DYNC1H1: variants seen among roughly 807,000 people sequenced by gnomAD.
The protein encoded by DYNC1H1 is dynein cytoplasmic 1 heavy chain 1.
A neutral mutation model predicts 527.1 loss-of-function variants in DYNC1H1; 51 were observed. That is an observed-to-expected ratio of 0.10 (90% CI 0.08 to 0.12). The LOEUF is 0.12. DYNC1H1 is among the 10% of genes least tolerant of loss of function. The pLI, the probability that DYNC1H1 is intolerant of heterozygous loss-of-function variation, is 1.00. For missense variants in DYNC1H1, 2,771 were observed against 5,971.8 expected, an observed-to-expected ratio of 0.46 and a Z score of 17.66; for synonymous variants, 2,189 against 2,278.8, an observed-to-expected ratio of 0.96 and a Z score of 1.12.
At chr14:102,013,597 C>T (rs540591211) in intron 34 of DYNC1H1, among the ~76,000 whole-genome samples, 119 of 152,102 alleles carry the variant, frequency 7.8e-4, no homozygotes, top group Non-Finnish European at 1.4e-3. Context: ...AGGGCTGAGA[C>T]TAGAGAGGAA....
chr14:102,032,579 C>A, intron 52 of DYNC1H1, 112 bp downstream of exon 52: 1 of 1,360,156 alleles, frequency 7.4e-7, no homozygotes, highest in Non-Finnish European at 1.0e-6. Context: ...AGGCCAGGCA[C>A]AGTGGCTCAC....
At position 101,983,502 on chromosome 14, in the gene DYNC1H1, A is replaced by G; in HGVS notation, c.1354A>G (p.Ile452Val). The G allele has an allele frequency of 6.2e-7, 1 of 1,614,210 alleles. No homozygotes were observed. The highest frequency in any genetic ancestry group is 1.1e-5 in the South Asian group (1 of 91,076). Residue 452 changes from isoleucine to valine, a missense_variant, in exon 7 of 78, where the codon ATC becomes GTC. By Grantham distance (29) the Ile-to-Val change is conservative. This residue lies in a region of DYNC1H1 where 264 missense variants were observed against 619.4 expected (regional missense o/e 0.43). Transcript: ENST00000360184. This position sits in a 1 kb window ranked among gnomAD's most constrained non-coding sequence, Gnocchi z 5.3. ...AGAAAATCTGAAGATGGTGTGGCGT[A>G]TCAACCCTGCCCACAGGAAGCTGCA... ...REENLKMVWR[I>V]NPAHRKLQAR...
Position 102,038,264 on chromosome 14 carries a change from C to G in DYNC1H1, c.10909-196C>G. 1.1e-6 allele frequency: 1 copy of G among 888,266 alleles called. No homozygotes were observed. The highest frequency in any genetic ancestry group is 1.5e-5 in the South Asian group (1 of 64,710). The allele number at this position is 888,266 out of a possible 1,614,324, so 55.0% of individuals were successfully genotyped here. ...AAAGTGCTGGAATTACAGGCGTGAG[C>G]CACCGCATCTGGCTGAGTTTTTAAT... On this transcript the variant is annotated intron_variant, in intron 57 of 77. Transcript: ENST00000360184. This position sits in a 1 kb window ranked among gnomAD's most constrained non-coding sequence, Gnocchi z 7.2.
Position 102,002,488 on chromosome 14 carries a change from G to A in DYNC1H1, c.4543-49G>A, listed in dbSNP as rs765399730. Reference sequence around the variant, plus strand: ...TTTTTCAGTGAGTTTTGGCATATCTGTGAGTAGAAGGGTCAGCAGTTTACC... The same window carrying A: ...TTTTTCAGTGAGTTTTGGCATATCTATGAGTAGAAGGGTCAGCAGTTTACC... On this transcript the variant is annotated intron_variant, in intron 21 of 77. Coordinates refer to ENST00000360184, the MANE Select transcript of DYNC1H1 (RefSeq NM_001376.5). The surrounding 1 kb of genome is among the most constrained non-coding windows in gnomAD (Gnocchi z 4.4). The A allele has an allele frequency of 9.3e-6, 15 of 1,611,772 alleles. No individual in the cohort carries two copies. Among genetic ancestry groups the A allele is most frequent in the Non-Finnish European group, 1.3e-5 (15 of 1,178,636 alleles).
chr14:101,988,123 A>C (rs1176618449), intron 9 of DYNC1H1, among the ~76,000 whole-genome samples: 1 of 152,164 alleles, frequency 6.6e-6, no homozygotes, highest in Non-Finnish European at 1.5e-5. Flanking sequence ...TACTCACATC[A>C]AGTTTAAGTT....
At position 102,026,558 on chromosome 14, in the gene DYNC1H1, A is replaced by G; in HGVS notation, c.8638-16A>G. On this transcript the variant is annotated splice_polypyrimidine_tract_variant and intron_variant, in intron 43 of 77. Coordinates refer to ENST00000360184, the MANE Select transcript of DYNC1H1 (RefSeq NM_001376.5). ...TTTTTTTCTAAGTAATTTGGGTATT[A>G]CCTTTTTTTCTATAGGATTACATCC... 6.2e-7 allele frequency: 1 copy of G among 1,613,910 alleles called. No individual in the cohort carries two copies. The highest frequency in any genetic ancestry group is 1.3e-5 in the African/African-American group (1 of 75,022).
Position 102,041,631 on chromosome 14 carries a change from G to A in DYNC1H1, c.11999G>A (p.Arg4000His). ...LLLIQAFRPD[R>H]LLAMAHMFVS... Reference sequence around the variant, plus strand: ...CTGATCCAGGCTTTCCGGCCCGATCGCCTGTTGGCCATGGCCCACATGTTT... The same window carrying A: ...CTGATCCAGGCTTTCCGGCCCGATCACCTGTTGGCCATGGCCCACATGTTT... Residue 4000 changes from arginine (R) to histidine (H), a missense_variant, in exon 65 of 78, where the codon CGC (arginine) becomes CAC (histidine). Physicochemically the swap from Arg to His is conservative, Grantham distance 29. Coordinates refer to ENST00000360184, the MANE Select transcript of DYNC1H1 (RefSeq NM_001376.5). The surrounding 1 kb of genome is among the most constrained non-coding windows in gnomAD (Gnocchi z 4.5). 3 of 1,614,148 alleles carry A rather than the reference G, an allele frequency of 1.9e-6. No homozygotes were observed. Among genetic ancestry groups the A allele is most frequent in the East Asian group, 2.2e-5 (1 of 44,876 alleles).
chr14:102,017,781 A>G lies in DYNC1H1; in HGVS notation c.8177+277A>G. 2.1e-6 allele frequency: 1 copy of G among 473,702 alleles called. No individual in the cohort carries two copies. The highest frequency in any genetic ancestry group is 4.6e-5 in the East Asian group (1 of 21,782). The allele number at this position is 473,702 out of a possible 1,614,324, so 29.3% of individuals were successfully genotyped here. On this transcript the variant is annotated intron_variant, in intron 40 of 77. Transcript: ENST00000360184. This position sits in a 1 kb window ranked among gnomAD's most constrained non-coding sequence, Gnocchi z 4.6. The stretch of plus-strand genomic sequence containing the variant: ...GGAGATTGAGACCATCCTGGCCAAC[A>G]CAGTGAAACCTCGTCTCTACTGAAA...
In DYNC1H1 at chr14:102,042,922, C is replaced by A; in HGVS notation, c.12513+174C>A. The A allele has an allele frequency of 1.4e-6, 1 of 738,230 alleles. No individual in the cohort carries two copies. The highest frequency in any genetic ancestry group is 2.3e-6 in the Non-Finnish European group (1 of 429,208). The allele number at this position is 738,230 out of a possible 1,614,324, so 45.7% of individuals were successfully genotyped here. On this transcript the variant is annotated intron_variant, in intron 69 of 77. Transcript: ENST00000360184. This position sits in a 1 kb window ranked among gnomAD's most constrained non-coding sequence, Gnocchi z 5.7. Reference sequence around the variant, plus strand: ...CCTTCCATGGCCGGGCACCGTGGCTCACACTGGTAATCCTAGCACTTTGGA... The same window carrying A: ...CCTTCCATGGCCGGGCACCGTGGCTAACACTGGTAATCCTAGCACTTTGGA...
rs1303524119 is a variant in DYNC1H1, at chr14:102,029,760, C to G, written c.9642+48C>G. On this transcript the variant is annotated intron_variant, in intron 49 of 77. Coordinates refer to ENST00000360184, the MANE Select transcript of DYNC1H1 (RefSeq NM_001376.5). The surrounding 1 kb of genome is among the most constrained non-coding windows in gnomAD (Gnocchi z 5.3). ...TCACGGGAGTGAGCTGCAGTGAGGA[C>G]CCCTTTCCATATAATTTCTGCATGT... 5 of 1,614,034 alleles carry G rather than the reference C, an allele frequency of 3.1e-6. No individual in the cohort carries two copies. The highest frequency in any genetic ancestry group is 4.2e-6 in the Non-Finnish European group (5 of 1,180,042).
chr14:102,055,083 C>T lies in DYNC1H1; in HGVS notation c.*4520C>T, dbSNP rs2048861948. ...CTCCTTCTGGACTTTTCTTTCCTAG[C>T]CCAGGTCAAAGTGGGCCTTCGGGAG... is the stretch of plus-strand genomic sequence containing the variant. On this transcript the variant is annotated 3_prime_UTR_variant, in exon 78 of 78. Transcript: ENST00000360184. 1 of 152,200 alleles carries T rather than the reference C, an allele frequency of 6.6e-6. No homozygotes were observed. 9.4% of individuals were successfully genotyped at this position (152,200 alleles called of 1,614,324 possible).
Position 102,041,832 on chromosome 14 carries a change from T to C in DYNC1H1, c.12102+98T>C. Reference sequence around the variant, plus strand: ...CCTGGCATCTGCTCTCACTCCGGGCTACAGTCTCCTCCTAAGACCAGGAAC... The same window carrying C: ...CCTGGCATCTGCTCTCACTCCGGGCCACAGTCTCCTCCTAAGACCAGGAAC... On this transcript the variant is annotated intron_variant, in intron 65 of 77. Transcript: ENST00000360184. The surrounding 1 kb of genome is among the most constrained non-coding windows in gnomAD (Gnocchi z 4.5). 6.3e-7 allele frequency: 1 copy of C among 1,584,894 alleles called. No individual in the cohort carries two copies. The highest frequency in any genetic ancestry group is 8.6e-7 in the Non-Finnish European group (1 of 1,162,078).
In DYNC1H1 at chr14:102,009,899, A is replaced by G; in HGVS notation, c.6034A>G (p.Met2012Val). Reference protein sequence around the residue: ...LNKQVKVSPDMAIFITMNPGY... With the variant: ...LNKQVKVSPDVAIFITMNPGY... ...CAAACAAGTCAAGGTGAGCCCGGAC[A>G]TGGCCATCTTCATCACCATGAACCC... The change falls in exon 30 of 78, where the codon ATG becomes GTG. Residue 2012 changes from methionine to valine, a missense_variant. Transcript: ENST00000360184. 1.2e-6 allele frequency: 2 copies of G among 1,614,084 alleles called. No homozygotes were observed. Among genetic ancestry groups the G allele is most frequent in the Non-Finnish European group, 1.7e-6 (2 of 1,180,028 alleles).
chr14:101,994,388 GAT>G (rs2048033627), intron 12 of DYNC1H1, 64 bp downstream of exon 12: 13 of 1,609,948 alleles, frequency 8.1e-6, no homozygotes, highest in Non-Finnish European at 1.1e-5. Flanking sequence ...AAGAGTACAA[GAT>G]ATAAAGAACA....
rs1057522046 is a variant in DYNC1H1, at chr14:101,985,734, A to G, written c.1509A>G (p.Gln503=). 9 of 1,614,102 alleles carry G rather than the reference A, an allele frequency of 5.6e-6. No homozygotes were observed. In the East Asian group the frequency reaches 1.3e-4, roughly 24 times the overall value. The change falls in exon 8 of 78, where the codon CAA becomes CAG. Residue 503 remains glutamine (Q), a synonymous_variant. Transcript: ENST00000360184. This position sits in a 1 kb window ranked among gnomAD's most constrained non-coding sequence, Gnocchi z 5.9. ...ATCAAGGAGAGGTCCCTGAACCCCA[A>G]GATATGAAAGTGGCTGAGGTTCTCT... ...QQNQGEVPEP[Q]DMKVAEVLFD...
At chr14:101,992,634 C>A (rs533939762) in intron 11 of DYNC1H1, among the ~76,000 whole-genome samples, 1 of 152,118 alleles carries the variant, frequency 6.6e-6, no homozygotes, top group Non-Finnish European at 1.5e-5. Flanking sequence ...ACCCCATGTC[C>A]CCTGCAATCT....
In DYNC1H1 at chr14:102,049,864, T is replaced by C; in HGVS notation, c.13666T>C (p.Cys4556Arg). The C allele has an allele frequency of 1.9e-6, 3 of 1,613,894 alleles. No individual in the cohort carries two copies. The highest frequency in any genetic ancestry group is 2.5e-6 in the Non-Finnish European group (3 of 1,180,030). The stretch of plus-strand genomic sequence containing the variant: ...CTCACAGGGCGCCACCCTTGACGCT[T>C]GCAGCTTCGGAGTCACGGGTGAGTG... ...TTSQGATLDA[C>R]SFGVTGLKLQ... Residue 4556 changes from cysteine (C) to arginine (R), a missense_variant, in exon 76 of 78, where the codon TGC (cysteine) becomes CGC (arginine). Physicochemically the swap from Cys to Arg is radical, Grantham distance 180 (BLOSUM62 -3). Around this residue, in one of 32 missense-constraint regions of DYNC1H1, gnomAD observed 106 missense variants for 139.2 expected, o/e 0.76. Coordinates refer to ENST00000360184, the MANE Select transcript of DYNC1H1 (RefSeq NM_001376.5). This position sits in a 1 kb window ranked among gnomAD's most constrained non-coding sequence, Gnocchi z 5.5.
intron 16 of DYNC1H1, among the ~76,000 whole-genome samples, chr14:101,998,879 CTTTTTT>C (rs888317854): frequency 1.7e-5 from 2 of 115,220 alleles, no homozygotes; most frequent in Non-Finnish European, 3.4e-5. Flanking sequence ...AAAACTTTTT[CTTTTTT>C]TTTTTTTTTT....
rs1363967014 is a variant in DYNC1H1 at position 101,965,768 on chromosome 14, G to A, written c.256+821G>A. 2.0e-5 allele frequency among the ~76,000 whole-genome samples: 3 copies of A among 150,814 alleles called. No individual in the cohort carries two copies. Among genetic ancestry groups the A allele is most frequent in the Non-Finnish European group, 4.4e-5 (3 of 67,878 alleles). On this transcript the variant is annotated intron_variant, in intron 1 of 77. Coordinates refer to ENST00000360184, the MANE Select transcript of DYNC1H1 (RefSeq NM_001376.5). This position sits in a 1 kb window ranked among gnomAD's most constrained non-coding sequence, Gnocchi z 4.1. ...ATACCTCATATTTGTTTAATGCTTC[G>A]ATGATGTTAATGATAACCCTGTAAT...
Sources: allele counts gnomAD v4.1 joint callset (sites outside exome capture counted in the v4.1 genomes callset), GRCh38; gene constraint gnomAD v4.1.1; regional missense constraint gnomAD v4.1.1; non-coding constraint Gnocchi (gnomAD v3.1); transcripts MANE v1.5; gene names NCBI Gene and HGNC (gene_info 2026-07-23, HGNC 2026-07-21).